WHAMM: variants seen among roughly 807,000 people sequenced by gnomAD.
WHAMM encodes the protein WASP homolog associated with actin, golgi membranes and microtubules.
WHAMM carries 67 observed loss-of-function variants against 76.5 expected under a neutral mutation model. The observed-to-expected ratio is 0.88, with a 90% CI of 0.72 to 1.07. The LOEUF (loss-of-function observed/expected upper bound fraction) is 1.07. WHAMM is among the 50% of genes least tolerant of loss of function. The pLI is 0.00. For missense variants in WHAMM, 1,021 were observed against 1,051.1 expected, an observed-to-expected ratio of 0.97 and a Z score of 0.40; for synonymous variants, 419 against 422.1, an observed-to-expected ratio of 0.99 and a Z score of 0.09.
Position 82,834,080 on chromosome 15 carries a change from C to T in WHAMM, c.*544C>T, listed in dbSNP as rs530530101. The T allele has an allele frequency of 3.2e-5, 5 of 154,580 alleles. No homozygotes were observed. The East Asian group carries it at 7.7e-4, about 24-fold the overall frequency. The allele number at this position is 154,580 out of a possible 1,614,324, so 9.6% of individuals were successfully genotyped here. A position where few individuals can be genotyped will look rare whatever the true frequency, so the allele number is the denominator to read the frequency against. On this transcript the variant is annotated 3_prime_UTR_variant, in exon 10 of 10. Coordinates refer to ENST00000286760, the MANE Select transcript of WHAMM (RefSeq NM_001080435.3). Reference sequence around the variant, plus strand: ...TTTGAGACAGAATCTCTCTGTCATCCAGGCTAGAGTGCAGTGGCACGATCT... The same window carrying T: ...TTTGAGACAGAATCTCTCTGTCATCTAGGCTAGAGTGCAGTGGCACGATCT...
chr15:82,814,752 T>C (rs1186585821), intron 2 of WHAMM, among the ~76,000 whole-genome samples: 2 of 149,256 alleles, frequency 1.3e-5, no homozygotes, highest in African/African-American at 2.5e-5. Flanking sequence ...ACACCCAGCC[T>C]ATATTTTTCC....
At chr15:82,827,554 T>C (rs2050956304) in intron 8 of WHAMM, among the ~76,000 whole-genome samples, 1 of 152,244 alleles carries the variant, frequency 6.6e-6, no homozygotes. Context: ...GTGTGATATT[T>C]TGATACAGGT....
chr15:82,809,724 G>T lies in WHAMM; in HGVS notation c.-3G>T. 6.7e-7 allele frequency: 1 copy of T among 1,498,410 alleles called. No homozygotes were observed. The highest frequency in any genetic ancestry group is 8.9e-7 in the Non-Finnish European group (1 of 1,122,800). The allele number at this position is 1,498,410 out of a possible 1,614,324, so 92.8% of individuals were successfully genotyped here. A position where few individuals can be genotyped will look rare whatever the true frequency, so the allele number is the denominator to read the frequency against. ...AGCCCTAGGGCCGCTGCTGCCGACAGCCATGGAGGACGAGCAGCCTGACAG... is the reference window on the plus strand; with the variant it reads ...AGCCCTAGGGCCGCTGCTGCCGACATCCATGGAGGACGAGCAGCCTGACAG... On this transcript the variant is annotated 5_prime_UTR_variant, in exon 1 of 10. Coordinates refer to ENST00000286760, the MANE Select transcript of WHAMM (RefSeq NM_001080435.3).
In WHAMM at chr15:82,823,123, T is replaced by C. The variant is rs1249155736; in HGVS notation, c.1294T>C (p.Tyr432His). The C allele has an allele frequency of 7.0e-7, 1 of 1,430,540 alleles. No homozygotes were observed. The highest frequency in any genetic ancestry group is 9.3e-7 in the Non-Finnish European group (1 of 1,079,132). 88.6% of individuals were successfully genotyped at this position (1,430,540 alleles called of 1,614,324 possible). The change falls in exon 6 of 10, where the codon TAC becomes CAC. Residue 432 changes from tyrosine (Y) to histidine (H), a missense_variant. By Grantham distance (83) the Tyr-to-His change is moderately conservative. Coordinates refer to ENST00000286760, the MANE Select transcript of WHAMM (RefSeq NM_001080435.3). ...IKEKQDEVVY[Y>H]DPCENPEELK... ...AGAAAAACAAGATGAAGTTGTCTAT[T>C]ACGATCCATGTGAAAATCCAGAGGA... is the stretch of plus-strand genomic sequence containing the variant.
At chr15:82,816,555 T>G in intron 2 of WHAMM, 137 bp from the exon 3 acceptor site, 1 of 804,008 alleles carries the variant, frequency 1.2e-6, no homozygotes, top group Non-Finnish European at 1.9e-6. Context: ...AGTAAGGGAC[T>G]GCTGAATGAA....
intron 5 of WHAMM, among the ~76,000 whole-genome samples, chr15:82,820,283 A>G (rs2050797164): frequency 6.6e-6 from 1 of 152,152 alleles, no homozygotes; most frequent in Admixed American, 6.5e-5. Flanking sequence ...TTTCTATTTC[A>G]GTGAATAATA....
chr15:82,827,952 A>G (rs1452458607), intron 8 of WHAMM, among the ~76,000 whole-genome samples: 1 of 152,222 alleles, frequency 6.6e-6, no homozygotes, highest in East Asian at 1.9e-4. Context: ...TGTCTCAAAA[A>G]AAAAAAGTAA....
intron 1 of WHAMM, 39 bp downstream of exon 1, chr15:82,810,374 C>A: frequency 1.6e-6 from 2 of 1,286,880 alleles, no homozygotes; most frequent in East Asian, 3.2e-5. Flanking sequence ...TCCGCGCTTC[C>A]ATGGCCTGGG....
intron 1 of WHAMM, among the ~76,000 whole-genome samples, chr15:82,812,267 C>T (rs1437655314): frequency 1.3e-5 from 2 of 152,224 alleles, no homozygotes; most frequent in Non-Finnish European, 2.9e-5. Flanking sequence ...TTGGCACTGT[C>T]GCCCAGGCTG....
In WHAMM at chr15:82,834,926, A is replaced by AAGTT; in HGVS notation, c.*1391_*1392insGTTA. 1 of 152,068 alleles carries AAGTT rather than the reference A, an allele frequency of 6.6e-6. No individual in the cohort carries two copies. The highest frequency in any genetic ancestry group is 1.5e-5 in the Non-Finnish European group (1 of 68,000). The allele number at this position is 152,068 out of a possible 1,614,324, so 9.4% of individuals were successfully genotyped here. A position where few individuals can be genotyped will look rare whatever the true frequency, so the allele number is the denominator to read the frequency against. On this transcript the variant is annotated 3_prime_UTR_variant, in exon 10 of 10. Coordinates refer to ENST00000286760, the MANE Select transcript of WHAMM (RefSeq NM_001080435.3). ...CTCATGCTGAAGTATTTTCTCCTTA[A>AAGTT]AATTAAATTTTTAAAATCAGGGAAG...
At chr15:82,822,044 GTTCA>G (rs1402566867) in intron 5 of WHAMM, among the ~76,000 whole-genome samples, 2 of 152,130 alleles carry the variant, frequency 1.3e-5, no homozygotes, top group Non-Finnish European at 2.9e-5. Flanking sequence ...ATGCCAGATT[GTTCA>G]TAATGTTTTT....
At position 82,826,764 on chromosome 15, in the gene WHAMM, T is replaced by C. The variant is rs940248969; in HGVS notation, c.1559T>C (p.Ile520Thr). ...GTTTAAATATAGAAAAGAGACAAGA[T>C]AAAAGAAGAGGAGCAAAAGAAAAAA... ...HHSIQMKRDK[I>T]KEEEQKKKEW... The change falls in exon 8 of 10, where the codon ATA (isoleucine) becomes ACA (threonine). Residue 520 changes from isoleucine to threonine, a missense_variant. Coordinates refer to ENST00000286760, the MANE Select transcript of WHAMM (RefSeq NM_001080435.3). The C allele has an allele frequency of 6.5e-7, 1 of 1,546,138 alleles. No individual in the cohort carries two copies. Among genetic ancestry groups the C allele is most frequent in the African/African-American group, 1.4e-5 (1 of 72,324 alleles).
chr15:82,815,235 A>G (rs2050707937), intron 2 of WHAMM, among the ~76,000 whole-genome samples: 1 of 147,198 alleles, frequency 6.8e-6, no homozygotes, highest in African/African-American at 2.5e-5. Flanking sequence ...TTCACCCCCA[A>G]AAGAAACCCT....
intron 1 of WHAMM, 109 bp downstream of exon 1, chr15:82,810,444 C>G: frequency 4.1e-6 from 5 of 1,219,474 alleles, no homozygotes; most frequent in Middle Eastern, 3.3e-4. Flanking sequence ...GGGGAGGAGC[C>G]GGCGGGCGGA....
Position 82,833,449 on chromosome 15 carries a change from C to G in WHAMM, c.2343C>G (p.Ile781Met), listed in dbSNP as rs1423256872. The change falls in exon 10 of 10, where the codon ATC becomes ATG. Residue 781 changes from isoleucine to methionine, a missense_variant. Ile to Met is a conservative substitution (Grantham distance 10). Around this residue, in one of 3 missense-constraint regions of WHAMM, gnomAD observed 509 missense variants for 492.3 expected, o/e 1.03. Transcript: ENST00000286760. ...NRRTSDLERS[I>M]KAALQRIKRV... ...GCACCAGTGACCTTGAGAGGAGCAT[C>G]AAGGCTGCGCTCCAGAGAATCAAGA... 6 of 1,613,882 alleles carry G rather than the reference C, an allele frequency of 3.7e-6. No homozygotes were observed. The highest frequency in any genetic ancestry group is 5.1e-6 in the Non-Finnish European group (6 of 1,179,916).
In WHAMM at chr15:82,833,485, T is replaced by A; in HGVS notation, c.2379T>A (p.Ala793=). The A allele has an allele frequency of 6.2e-7, 1 of 1,613,990 alleles. No homozygotes were observed. The highest frequency in any genetic ancestry group is 8.5e-7 in the Non-Finnish European group (1 of 1,179,894). Residue 793 remains alanine, a synonymous_variant, in exon 10 of 10, where the codon GCT becomes GCA. Coordinates refer to ENST00000286760, the MANE Select transcript of WHAMM (RefSeq NM_001080435.3). ...AALQRIKRVS[A]DSEEDSDEQD... ...TCCAGAGAATCAAGAGGGTGTCTGCTGACTCTGAGGAGGACAGTGATGAGC... is the reference window on the plus strand; with the variant it reads ...TCCAGAGAATCAAGAGGGTGTCTGCAGACTCTGAGGAGGACAGTGATGAGC...
intron 2 of WHAMM, 56 bp from the exon 3 acceptor site, chr15:82,816,636 A>G: frequency 6.8e-7 from 1 of 1,471,872 alleles, no homozygotes; most frequent in South Asian, 1.3e-5. Context: ...TCAATTTCCT[A>G]ATGGCTCTAC....
intron 5 of WHAMM, among the ~76,000 whole-genome samples, chr15:82,822,424 A>C (rs2050843477): frequency 6.6e-6 from 1 of 152,114 alleles, no homozygotes; most frequent in African/African-American, 2.4e-5. Flanking sequence ...CTGCCATTAA[A>C]ATTTATCTTT....
intron 6 of WHAMM, 131 bp downstream of exon 6, chr15:82,823,418 A>G: frequency 4.0e-6 from 3 of 749,676 alleles, no homozygotes; most frequent in Non-Finnish European, 5.6e-6. Flanking sequence ...GTACTTATCC[A>G]TGGCTATAGT....
Sources: allele counts gnomAD v4.1 joint callset (sites outside exome capture counted in the v4.1 genomes callset), GRCh38; gene constraint gnomAD v4.1.1; regional missense constraint gnomAD v4.1.1; transcripts MANE v1.5; gene names NCBI Gene and HGNC (gene_info 2026-07-23, HGNC 2026-07-21).